The following RNF220 variants were observed in gnomAD, a reference collection of about 807,000 sequenced individuals.
RNF220 encodes the protein E3 ubiquitin-protein ligase RNF220.
A neutral mutation model predicts 67.1 loss-of-function variants in RNF220; 7 were observed. The observed-to-expected ratio is 0.10, with a 90% CI of 0.06 to 0.20. The LOEUF (loss-of-function observed/expected upper bound fraction) is 0.20. Ranked by LOEUF, RNF220 falls within the 10% of genes least tolerant of loss-of-function variation. The probability of loss-of-function intolerance (pLI) is 1.00; values close to 1 mark genes in which losing one functional copy is unlikely to be tolerated. For missense variants in RNF220, 565 were observed against 740.3 expected, an observed-to-expected ratio of 0.76 and a Z score of 2.75; for synonymous variants, 270 against 283.2, an observed-to-expected ratio of 0.95 and a Z score of 0.47.
chr1:44,562,808 C>T (rs1299287480), intron 2 of RNF220, among the ~76,000 whole-genome samples: 2 of 152,218 alleles, frequency 1.3e-5, no homozygotes, highest in Admixed American at 6.5e-5. Flanking sequence ...CAAAGCAGGC[C>T]TCACTTCTTT....
chr1:44,600,333 G>C lies in RNF220; in HGVS notation c.626-13832G>C, dbSNP rs1023507849. ...ACCAGAGTTTCAGAGATCACACATA[G>C]AGTGTGGAGAGAGGGAGAAGTGAAT... is the stretch of plus-strand genomic sequence containing the variant. On this transcript the variant is annotated intron_variant, in intron 2 of 14. Transcript: ENST00000361799. This position sits in a 1 kb window ranked among gnomAD's most constrained non-coding sequence, Gnocchi z 4.0. 6.6e-6 allele frequency among the ~76,000 whole-genome samples: 1 copy of C among 152,216 alleles called. No homozygotes were observed. Among genetic ancestry groups the C allele is most frequent in the Non-Finnish European group, 1.5e-5 (1 of 68,036 alleles).
Position 44,405,388 on chromosome 1 carries a change from TG to T in RNF220, c.-259del. ...GGGGCCAGCCGCCTACTGCTGCTGCTGCTGCTGCCGCTGCCGCCGCCGCCGC... is the reference window on the plus strand; with the variant it reads ...GGGGCCAGCCGCCTACTGCTGCTGCTCTGCTGCCGCTGCCGCCGCCGCCGC... On this transcript the variant is annotated 5_prime_UTR_variant, in exon 1 of 15. It introduces an in-frame stop codon into an upstream open reading frame of the 5' UTR. Transcript: ENST00000361799. The T allele has an allele frequency of 4.8e-6, 3 of 629,282 alleles. No individual in the cohort carries two copies. The highest frequency in any genetic ancestry group is 2.4e-5 in the Admixed American group (1 of 41,452). The allele number at this position is 629,282 out of a possible 1,614,324, so 39.0% of individuals were successfully genotyped here. A position where few individuals can be genotyped will look rare whatever the true frequency, so the allele number is the denominator to read the frequency against.
chr1:44,472,650 C>A (rs561084996), intron 2 of RNF220, among the ~76,000 whole-genome samples: 2 of 152,356 alleles, frequency 1.3e-5, no homozygotes, highest in South Asian at 4.1e-4. Flanking sequence ...GTGTGCCACA[C>A]AAGGCCCTTC....
chr1:44,430,582 G>T (rs72688026), intron 2 of RNF220, among the ~76,000 whole-genome samples: 24,974 of 152,002 alleles, frequency 0.16, 2,543 homozygotes, highest in East Asian at 0.53. Context: ...GTCTTGCTCT[G>T]TCTCCCAGGC....
intron 2 of RNF220, among the ~76,000 whole-genome samples, chr1:44,475,306 C>T (rs12136588): frequency 0.36 from 55,089 of 151,912 alleles, 10,998 homozygotes; most frequent in Non-Finnish European, 0.45. Context: ...CGCGGTGGCT[C>T]ATGCCTGTAA....
intron 2 of RNF220, among the ~76,000 whole-genome samples, chr1:44,432,244 T>G (rs184491925): frequency 6.6e-6 from 1 of 152,180 alleles, no homozygotes; most frequent in Non-Finnish European, 1.5e-5. Flanking sequence ...AAAACAACAG[T>G]CAACTAAAAG....
chr1:44,421,238 A>C (rs1649178198), intron 2 of RNF220, among the ~76,000 whole-genome samples: 1 of 152,190 alleles, frequency 6.6e-6, no homozygotes, highest in African/African-American at 2.4e-5. Context: ...AAAAAAGCCA[A>C]ATCTCATGGT....
chr1:44,650,577 G>T lies in RNF220; in HGVS notation c.1630-127G>T. On this transcript the variant is annotated intron_variant, in intron 14 of 14. Transcript: ENST00000361799. The surrounding 1 kb of genome is among the most constrained non-coding windows in gnomAD (Gnocchi z 4.3). ...CACAGAAGCTGCCTATGCGTCCCCA[G>T]CCTGGGCTGACAGGACCAAGGTCTC... The T allele has an allele frequency of 2.0e-6, 2 of 1,007,348 alleles. No individual in the cohort carries two copies. The highest frequency in any genetic ancestry group is 2.0e-5 in the Admixed American group (1 of 50,332). The allele number at this position is 1,007,348 out of a possible 1,614,324, so 62.4% of individuals were successfully genotyped here.
rs1000306005 is a variant in RNF220 at position 44,405,391 on chromosome 1, T to TGCC, written c.-255_-254insCGC. On this transcript the variant is annotated 5_prime_UTR_variant, in exon 1 of 15. Transcript: ENST00000361799. ...GCCAGCCGCCTACTGCTGCTGCTGC[T>TGCC]GCTGCCGCTGCCGCCGCCGCCGCCG... is the stretch of plus-strand genomic sequence containing the variant. 13 of 630,126 alleles carry TGCC rather than the reference T, an allele frequency of 2.1e-5. No homozygotes were observed. In the African/African-American group the frequency reaches 2.1e-4, roughly 10 times the overall value. 39.0% of individuals were successfully genotyped at this position (630,126 alleles called of 1,614,324 possible).
chr1:44,591,929 CCTT>C (rs1321315712), intron 2 of RNF220, among the ~76,000 whole-genome samples: 1 of 152,166 alleles, frequency 6.6e-6, no homozygotes, highest in Non-Finnish European at 1.5e-5. Context: ...TCCTCCTCCT[CCTT>C]ACTCCTCACT....
At chr1:44,647,568 T>C (rs1408088405) in intron 12 of RNF220, among the ~76,000 whole-genome samples, 1 of 152,146 alleles carries the variant, frequency 6.6e-6, no homozygotes, top group Non-Finnish European at 1.5e-5. Context: ...GAGGGAATCA[T>C]GGACCCTAGG....
chr1:44,411,866 C>G, intron 1 of RNF220, 115 bp from the exon 2 acceptor site: 1 of 517,994 alleles, frequency 1.9e-6, no homozygotes, highest in Non-Finnish European at 3.5e-6. Context: ...TGTGGTGTCT[C>G]TTGCCCGAGC....
At chr1:44,625,570 G>C (rs969554481) in intron 4 of RNF220, among the ~76,000 whole-genome samples, 1 of 152,190 alleles carries the variant, frequency 6.6e-6, no homozygotes, top group Non-Finnish European at 1.5e-5. Context: ...GGAGAAGGTG[G>C]GGGGAGGAAG....
At chr1:44,523,546 C>T (rs568287479) in intron 2 of RNF220, among the ~76,000 whole-genome samples, 3 of 152,288 alleles carry the variant, frequency 2.0e-5, no homozygotes, top group Admixed American at 2.0e-4. Context: ...TCATTGTTTG[C>T]GTTCTTCTCT....
At chr1:44,599,902 G>A (rs1021954708) in intron 2 of RNF220, among the ~76,000 whole-genome samples, 3 of 152,146 alleles carry the variant, frequency 2.0e-5, no homozygotes, top group Non-Finnish European at 2.9e-5. Flanking sequence ...TCTGATTTGT[G>A]TTTTAGGAAG....
chr1:44,482,302 C>G (rs1655889526), intron 2 of RNF220, among the ~76,000 whole-genome samples: 2 of 152,050 alleles, frequency 1.3e-5, no homozygotes, highest in Admixed American at 1.3e-4. Flanking sequence ...CAGACCAGAC[C>G]TGGTCTAGTC....
chr1:44,622,674 G>T lies in RNF220; in HGVS notation c.759-68G>T. ...CCTTCTCTGTCTTTGGGGTCTTCTT[G>T]CTACTCTACCGTTGCATGCCCTGGG... On this transcript the variant is annotated intron_variant, in intron 3 of 14. Coordinates refer to ENST00000361799, the MANE Select transcript of RNF220 (RefSeq NM_018150.4). The surrounding 1 kb of genome is among the most constrained non-coding windows in gnomAD (Gnocchi z 4.3). 2 of 1,424,022 alleles carry T rather than the reference G, an allele frequency of 1.4e-6. No homozygotes were observed. The highest frequency in any genetic ancestry group is 2.3e-5 in the South Asian group (2 of 86,590). 88.2% of individuals were successfully genotyped at this position (1,424,022 alleles called of 1,614,324 possible).
chr1:44,577,657 A>G (rs549666308), intron 2 of RNF220, among the ~76,000 whole-genome samples: 8 of 152,358 alleles, frequency 5.3e-5, no homozygotes, highest in Non-Finnish European at 1.2e-4. Flanking sequence ...GATCAGTACC[A>G]CAAAGGAAAT....
intron 2 of RNF220, among the ~76,000 whole-genome samples, chr1:44,535,135 CTTTTTTTTTTTTT>C (rs903715852): frequency 9.7e-6 from 1 of 102,994 alleles, no homozygotes; most frequent in South Asian, 3.1e-4. Context: ...GCAGCTTCTT[CTTTTTTTTTTTTT>C]TTTTTTTTTT....
Sources: gnomAD v4.1 joint callset for allele counts (sites outside exome capture counted in the v4.1 genomes callset) on GRCh38, gnomAD v4.1.1 for gene constraint, Gnocchi (gnomAD v3.1) non-coding constraint, MANE v1.5 for transcripts, NCBI Gene and HGNC (gene_info 2026-07-23, HGNC 2026-07-21) for gene names.